Variants in PIGS observed in about 807,000 individuals in gnomAD.
PIGS encodes GPI-anchor transamidase component PIGS.
PIGS carries 37 observed loss-of-function variants against 58.2 expected under a neutral mutation model. That is an observed-to-expected ratio of 0.64 (90% confidence interval 0.49 to 0.84). PIGS has a LOEUF of 0.84. Among genes scored for constraint, PIGS ranks in the 40% least tolerant of loss-of-function variants. The pLI, the probability that PIGS is intolerant of heterozygous loss-of-function variation, is 0.00. For synonymous variants in PIGS, 269 were observed against 289.2 expected (o/e 0.93, Z 0.71); for missense variants, 629 against 710.8 (o/e 0.88, Z 1.31).
chr17:28,553,861 T>G lies in PIGS; in HGVS notation c.*359A>C, dbSNP rs1337596758. The G allele has an allele frequency of 1.5e-5, 4 of 271,492 alleles. No individual in the cohort carries two copies. The highest frequency in any genetic ancestry group is 2.8e-5 in the Non-Finnish European group (4 of 141,414). 16.8% of individuals were successfully genotyped at this position (271,492 alleles called of 1,614,324 possible). On this transcript the variant is annotated 3_prime_UTR_variant, in exon 12 of 12. Coordinates refer to ENST00000308360, the MANE Select transcript of PIGS (RefSeq NM_033198.4). ...AGAGAGGTGTGGAAGGCAGGGACTT[T>G]CCCATAATGCTCCCTCCTCTCAGTG...
intron 5 of PIGS, 197 bp from the exon 6 acceptor site, chr17:28,561,826 T>C: frequency 1.7e-6 from 1 of 572,602 alleles, no homozygotes; most frequent in African/African-American, 1.9e-5. Context: ...CTCCGTTCTC[T>C]TCTTTTTCCC....
At chr17:28,556,144 A>T (rs2070325894) in intron 10 of PIGS, 22 bp downstream of exon 10, 3 of 1,587,034 alleles carry the variant, frequency 1.9e-6, no homozygotes, top group Non-Finnish European at 1.7e-6. Context: ...TATGTCCCCA[A>T]GTGGATCATC....
At chr17:28,569,443 C>T (rs1346581108) in intron 3 of PIGS, among the ~76,000 whole-genome samples, 2 of 150,444 alleles carry the variant, frequency 1.3e-5, no homozygotes, top group Non-Finnish European at 3.0e-5. Context: ...CCACCATACT[C>T]CAGCCTGGGC....
chr17:28,559,324 C>G (rs543855234), intron 7 of PIGS, among the ~76,000 whole-genome samples: 2 of 151,552 alleles, frequency 1.3e-5, no homozygotes, highest in Admixed American at 1.3e-4. Flanking sequence ...AAGCATTTTT[C>G]TAAAAACTAA....
chr17:28,558,160 G>C (rs1567615121), intron 8 of PIGS, among the ~76,000 whole-genome samples: 1 of 152,132 alleles, frequency 6.6e-6, no homozygotes, highest in African/African-American at 2.4e-5. Flanking sequence ...TTGAAAATTA[G>C]CCAAGTGTAG....
chr17:28,561,750 T>G, intron 5 of PIGS, 121 bp from the exon 6 acceptor site: 1 of 862,382 alleles, frequency 1.2e-6, no homozygotes, highest in South Asian at 1.7e-5. Context: ...GCACCTCTCT[T>G]GAGATTCATG....
At chr17:28,558,405 T>A in intron 8 of PIGS, 71 bp downstream of exon 8, 3 of 1,281,406 alleles carry the variant, frequency 2.3e-6, no homozygotes, top group Non-Finnish European at 3.3e-6. Flanking sequence ...TCCTGTCCCC[T>A]ACCCAGCTGA....
chr17:28,560,144 C>T lies in PIGS; in HGVS notation c.724G>A (p.Asp242Asn), dbSNP rs1200149483. Reference sequence around the variant, plus strand: ...GCCCCCTCAATGTCCCAGTAGACATCATGGGACTTGGGGTCTGGGTTGAGT... The same window carrying T: ...GCCCCCTCAATGTCCCAGTAGACATTATGGGACTTGGGGTCTGGGTTGAGT... Reference protein sequence around the residue: ...SLLNPDPKSHDVYWDIEGAVR... With the variant: ...SLLNPDPKSHNVYWDIEGAVR... The change falls in exon 7 of 12, where the codon GAT (aspartate) becomes AAT (asparagine). Residue 242 changes from aspartate to asparagine, a missense_variant. Coordinates refer to ENST00000308360, the MANE Select transcript of PIGS (RefSeq NM_033198.4). The T allele has an allele frequency of 1.9e-6, 3 of 1,612,592 alleles. No homozygotes were observed. The Admixed American group carries it at 5.0e-5, about 27-fold the overall frequency.
chr17:28,554,022 G>A lies in PIGS; in HGVS notation c.*198C>T. ...TTTTGAGGCCCCTGGTGGTGGAGGA[G>A]GATTGAGCCAGGTGAATGGGAAAGG... On this transcript the variant is annotated 3_prime_UTR_variant, in exon 12 of 12. Transcript: ENST00000308360. 1 of 667,544 alleles carries A rather than the reference G, an allele frequency of 1.5e-6. No homozygotes were observed. The highest frequency in any genetic ancestry group is 2.0e-5 in the South Asian group (1 of 50,406). The allele number at this position is 667,544 out of a possible 1,614,324, so 41.4% of individuals were successfully genotyped here. A position where few individuals can be genotyped will look rare whatever the true frequency, so the allele number is the denominator to read the frequency against.
intron 8 of PIGS, 62 bp downstream of exon 8, chr17:28,558,414 G>C: frequency 7.3e-7 from 1 of 1,363,170 alleles, no homozygotes; most frequent in African/African-American, 1.4e-5. Flanking sequence ...CTACCCAGCT[G>C]AGCCGTCAGG....
chr17:28,571,261 G>C (rs914963265), intron 1 of PIGS, 73 bp from the exon 2 acceptor site: 25 of 1,565,908 alleles, frequency 1.6e-5, no homozygotes, highest in Middle Eastern at 1.8e-4. Flanking sequence ...ACGCGGAGAA[G>C]CCCCAACCAC....
At position 28,563,838 on chromosome 17, in the gene PIGS, A is replaced by C. The variant is rs1473172571; in HGVS notation, c.356T>G (p.Leu119Arg). Reference protein sequence around the residue: ...RRALDHEEEALSSGSVQEAEA... With the variant: ...RRALDHEEEARSSGSVQEAEA... ...CATACCTTGCACACTGCCCGATGAC[A>C]GGGCCTCCTCCTCATGGTCCAAAGC... The change falls in exon 4 of 12, where the codon CTG becomes CGG. Residue 119 changes from leucine (L) to arginine (R), a missense_variant. Leu to Arg is a moderately radical substitution (Grantham distance 102). Transcript: ENST00000308360. The C allele has an allele frequency of 1.2e-6, 2 of 1,613,870 alleles. No homozygotes were observed. The highest frequency in any genetic ancestry group is 1.7e-6 in the Non-Finnish European group (2 of 1,179,846).
At chr17:28,559,571 C>T (rs1189510732) in intron 7 of PIGS, among the ~76,000 whole-genome samples, 1 of 151,650 alleles carries the variant, frequency 6.6e-6, no homozygotes, top group Non-Finnish European at 1.5e-5. Context: ...CATGGTGGCA[C>T]GCACCTGTAA....
intron 5 of PIGS, 100 bp from the exon 6 acceptor site, chr17:28,561,729 C>T (rs1239369946): frequency 8.2e-7 from 1 of 1,217,542 alleles, no homozygotes; most frequent in Non-Finnish European, 1.1e-6. Flanking sequence ...TTGCCAATGA[C>T]CAACAGGTTT....
chr17:28,562,547 C>T (rs1404932006), intron 5 of PIGS, among the ~76,000 whole-genome samples: 8 of 152,144 alleles, frequency 5.3e-5, no homozygotes, highest in African/African-American at 1.4e-4. Flanking sequence ...GATTCTCCTG[C>T]CTCAGCCTCT....
Position 28,560,068 on chromosome 17 carries a change from T to A in PIGS, c.800A>T (p.Asn267Ile). 6.2e-7 allele frequency: 1 copy of A among 1,611,990 alleles called. No homozygotes were observed. Among genetic ancestry groups the A allele is most frequent in the South Asian group, 1.1e-5 (1 of 90,838 alleles). Residue 267 changes from asparagine (N) to isoleucine (I), a missense_variant, in exon 7 of 12, where the codon AAC becomes ATC. Transcript: ENST00000308360. The part of the protein sequence containing the change: ...PFLNALGAAG[N>I]FSVDSQILYY... ...TCTCACCTGAGAGTCCACAGAGAAGTTGCCAGCGGCACCGAGGGCATTCAG... is the reference window on the plus strand; with the variant it reads ...TCTCACCTGAGAGTCCACAGAGAAGATGCCAGCGGCACCGAGGGCATTCAG...
rs985959574 is a variant in PIGS at position 28,555,340 on chromosome 17, T to G, written c.1182-279A>C. ...AAAAAGGTTCCATGGCTAAAATACT[T>G]CTGATAACACCAACTCAGTTTAATC... On this transcript the variant is annotated intron_variant, in intron 10 of 11. Coordinates refer to ENST00000308360, the MANE Select transcript of PIGS (RefSeq NM_033198.4). 4 of 423,558 alleles carry G rather than the reference T, an allele frequency of 9.4e-6. No individual in the cohort carries two copies. The Admixed American group carries it at 1.7e-4, about 18-fold the overall frequency. 26.2% of individuals were successfully genotyped at this position (423,558 alleles called of 1,614,324 possible).
rs1247467228 is a variant in PIGS, at chr17:28,556,208, A to C, written c.1139T>G (p.Val380Gly). Reference sequence around the variant, plus strand: ...CACCTCCATCACTCGCACCATGTCCACCTCGACTCTCACTGGCAGCACTGA... The same window carrying C: ...CACCTCCATCACTCGCACCATGTCCCCCTCGACTCTCACTGGCAGCACTGA... ...NASVLPVRVE[V>G]DMVRVMEVFL... Residue 380 changes from valine to glycine, a missense_variant, in exon 10 of 12, where the codon GTG (valine) becomes GGG (glycine). Coordinates refer to ENST00000308360, the MANE Select transcript of PIGS (RefSeq NM_033198.4). 6.2e-7 allele frequency: 1 copy of C among 1,613,836 alleles called. No individual in the cohort carries two copies. The highest frequency in any genetic ancestry group is 1.3e-5 in the African/African-American group (1 of 74,860).
At position 28,558,596 on chromosome 17, in the gene PIGS, G is replaced by A; in HGVS notation, c.820-6C>T. 6.3e-7 allele frequency: 1 copy of A among 1,592,730 alleles called. No homozygotes were observed. The highest frequency in any genetic ancestry group is 8.6e-7 in the Non-Finnish European group (1 of 1,164,734). On this transcript the variant is annotated splice_region_variant and splice_polypyrimidine_tract_variant and intron_variant, in intron 7 of 11. Transcript: ENST00000308360. ...AACATTGCATAGTAAAGAATCTGTA[G>A]AGCAAACAGGGAGTGGTTACTTTGT...
Sources: allele counts gnomAD v4.1 joint callset (sites outside exome capture counted in the v4.1 genomes callset), GRCh38; gene constraint gnomAD v4.1.1; transcripts MANE v1.5; gene names NCBI Gene and HGNC (gene_info 2026-07-23, HGNC 2026-07-21).